The following FGF14 variants were observed in gnomAD, a reference collection of about 807,000 sequenced individuals.
The protein encoded by FGF14 is fibroblast growth factor 14, also known as fibroblast growth factor homologous factor 4.
In FGF14, 5 loss-of-function variants were observed where a neutral mutation model predicts 25.5. The ratio of observed to expected loss-of-function variants is 0.20; its 90% CI spans 0.10 to 0.41. The LOEUF (loss-of-function observed/expected upper bound fraction) is 0.41. FGF14 is among the 10% of genes least tolerant of loss of function. The probability of loss-of-function intolerance (pLI) is 1.00; values close to 1 mark genes in which losing one functional copy is unlikely to be tolerated. For missense variants in FGF14, 222 were observed against 320.1 expected (o/e 0.69, Z 2.34); for synonymous variants, 138 against 118.3 (o/e 1.17, Z -1.08).
intron 1 of FGF14, among the ~76,000 whole-genome samples, chr13:102,206,755 T>A (rs2049944616): frequency 6.6e-6 from 1 of 152,192 alleles, no homozygotes; most frequent in Non-Finnish European, 1.5e-5. Flanking sequence ...AAGAACTGAG[T>A]GTGAAAATAT....
In FGF14 at chr13:102,400,742, G is replaced by T. The variant is rs1053539372; in HGVS notation, c.208+729C>A. On this transcript the variant is annotated intron_variant, in intron 1 of 4. Coordinates refer to the FGF14 transcript ENST00000376131. The surrounding 1 kb of genome is among the most constrained non-coding windows in gnomAD (Gnocchi z 4.3). Reference sequence around the variant, plus strand: ...CTCATCCCCACCCCTGGCCCTGTGGGACCCCGACGCAGGGCTTTGACACCG... The same window carrying T: ...CTCATCCCCACCCCTGGCCCTGTGGTACCCCGACGCAGGGCTTTGACACCG... Among the ~76,000 whole-genome samples the T allele has an allele frequency of 4.6e-5, 7 of 152,190 alleles. No individual in the cohort carries two copies. Among genetic ancestry groups the T allele is most frequent in the Admixed American group, 4.6e-4 (7 of 15,284 alleles).
chr13:101,774,946 G>A (rs1475852965), intron 3 of FGF14, among the ~76,000 whole-genome samples: 6 of 144,928 alleles, frequency 4.1e-5, no homozygotes, highest in Admixed American at 7.0e-5. Context: ...TCCAGCCTGG[G>A]CAACACGAAT....
intron 3 of FGF14, among the ~76,000 whole-genome samples, chr13:101,847,512 T>C (rs961419812): frequency 3.9e-5 from 6 of 152,142 alleles, no homozygotes; most frequent in Admixed American, 1.3e-4. Context: ...TTTCTTTTTG[T>C]TATGAACATG....
intron 1 of FGF14, among the ~76,000 whole-genome samples, chr13:102,379,986 G>A (rs2058142690): frequency 3.3e-5 from 5 of 152,134 alleles, no homozygotes; most frequent in African/African-American, 1.2e-4. Context: ...GGCTTCAAAA[G>A]AGAGAATAGT....
intron 1 of FGF14, among the ~76,000 whole-genome samples, chr13:102,185,907 C>T (rs1048162126): frequency 6.6e-6 from 1 of 152,102 alleles, no homozygotes; most frequent in Non-Finnish European, 1.5e-5. Context: ...CCCTTTCATA[C>T]CAAAAGAAGG....
intron 1 of FGF14, chr13:102,367,325 C>T (rs903970873): frequency 6.6e-6 from 1 of 152,234 alleles, no homozygotes; most frequent in Non-Finnish European, 1.5e-5. Flanking sequence ...GGTCTCAGTT[C>T]CTTGCCATAT....
intron 1 of FGF14, among the ~76,000 whole-genome samples, chr13:102,018,528 G>T (rs2040464114): frequency 6.6e-6 from 1 of 152,056 alleles, no homozygotes; most frequent in African/African-American, 2.4e-5. Context: ...ACCCTGAAAG[G>T]TTGAGTCTTA....
rs974636455 is a variant in FGF14 at position 101,763,841 on chromosome 13, C to A, written c.409-37031G>T. On this transcript the variant is annotated intron_variant, in intron 3 of 4. Coordinates refer to ENST00000376143, the MANE Select transcript of FGF14 (RefSeq NM_004115.4). Reference sequence around the variant, plus strand: ...CACCACTGCACTCCAGCCTGGGCAACAAGAATGAAACTCTGTCTCAAAAAA... The same window carrying A: ...CACCACTGCACTCCAGCCTGGGCAAAAAGAATGAAACTCTGTCTCAAAAAA... 9.2e-5 allele frequency among the ~76,000 whole-genome samples: 14 copies of A among 152,136 alleles called. No individual in the cohort carries two copies. The East Asian group carries it at 1.4e-3, about 15-fold the overall frequency.
At chr13:101,954,165 T>C (rs905225071) in intron 1 of FGF14, among the ~76,000 whole-genome samples, 1 of 152,040 alleles carries the variant, frequency 6.6e-6, no homozygotes, top group South Asian at 2.1e-4. Flanking sequence ...TAGAACTAAA[T>C]GCGTCAACTA....
intron 1 of FGF14, among the ~76,000 whole-genome samples, chr13:102,161,649 G>GCTCT (rs1566765170): frequency 6.7e-5 from 1 of 14,962 alleles, no homozygotes. Flanking sequence ...AGAAGAAGAA[G>GCTCT]AAGAAGAAGA....
intron 1 of FGF14, among the ~76,000 whole-genome samples, chr13:102,287,695 A>G (rs937211178): frequency 6.6e-6 from 1 of 152,210 alleles, no homozygotes; most frequent in Non-Finnish European, 1.5e-5. Context: ...TATCACATGA[A>G]ATTTTAAAAG....
intron 1 of FGF14, among the ~76,000 whole-genome samples, chr13:101,879,784 A>G (rs1250366943): frequency 6.6e-6 from 1 of 152,182 alleles, no homozygotes; most frequent in Non-Finnish European, 1.5e-5. Flanking sequence ...TAGGGTAAAA[A>G]CAACTTTTGT....
intron 1 of FGF14, among the ~76,000 whole-genome samples, chr13:102,261,647 C>T (rs2052722677): frequency 1.3e-5 from 2 of 152,098 alleles, no homozygotes; most frequent in African/African-American, 2.4e-5. Flanking sequence ...TTTTAGTGTC[C>T]AATATCTTCT....
chr13:102,020,032 T>C (rs2040552961), intron 1 of FGF14, among the ~76,000 whole-genome samples: 1 of 152,102 alleles, frequency 6.6e-6, no homozygotes, highest in Non-Finnish European at 1.5e-5. Context: ...AGGAAAAACA[T>C]ACACAATACA....
intron 3 of FGF14, among the ~76,000 whole-genome samples, chr13:101,854,953 T>A (rs1253610810): frequency 1.3e-5 from 2 of 151,984 alleles, no homozygotes; most frequent in African/African-American, 4.8e-5. Flanking sequence ...TACCTATGAG[T>A]ACATATCAGA....
intron 1 of FGF14, among the ~76,000 whole-genome samples, chr13:101,955,134 G>A (rs145714195): frequency 0.011 from 1,697 of 152,318 alleles, 17 homozygotes; most frequent in Middle Eastern, 0.044. Context: ...GAGACTGTAC[G>A]TAGATCTAGC....
intron 1 of FGF14, among the ~76,000 whole-genome samples, chr13:102,021,809 C>T (rs1433565886): frequency 6.6e-6 from 1 of 151,978 alleles, no homozygotes; most frequent in Non-Finnish European, 1.5e-5. Context: ...AGGAGGCAGC[C>T]TATTCTTTTT....
chr13:102,155,717 C>A (rs1477671298), intron 1 of FGF14, among the ~76,000 whole-genome samples: 1 of 143,618 alleles, frequency 7.0e-6, no homozygotes, highest in African/African-American at 2.6e-5. Flanking sequence ...ATCAATGAAT[C>A]CAGGAGCTGG....
intron 1 of FGF14, among the ~76,000 whole-genome samples, chr13:102,179,104 T>C (rs1178162073): frequency 1.3e-5 from 2 of 152,124 alleles, no homozygotes; most frequent in Non-Finnish European, 2.9e-5. Context: ...GGCAGTAGCA[T>C]AGCCACAGAC....
Sources: allele counts gnomAD v4.1 joint callset (sites outside exome capture counted in the v4.1 genomes callset), GRCh38; gene constraint gnomAD v4.1.1; non-coding constraint Gnocchi (gnomAD v3.1); transcripts MANE v1.5; gene names NCBI Gene and HGNC (gene_info 2026-07-23, HGNC 2026-07-21).